METAP1D: variants seen among roughly 807,000 people sequenced by gnomAD.
METAP1D encodes methionine aminopeptidase 1D, mitochondrial.
Under a neutral mutation model 40.5 loss-of-function variants are expected in METAP1D, and 31 were observed. That is an observed-to-expected ratio of 0.77 (90% confidence interval 0.58 to 1.03). METAP1D has a LOEUF of 1.03. Ranked by LOEUF, METAP1D falls within the 50% of genes least tolerant of loss-of-function variation. The pLI is 0.00. For missense variants in METAP1D, 411 were observed against 420.7 expected (o/e 0.98, Z 0.20); for synonymous variants, 151 against 146.4 (o/e 1.03, Z -0.22).
chr2:172,017,247 C>T (rs1024822748), intron 1 of METAP1D, among the ~76,000 whole-genome samples: 19 of 149,394 alleles, frequency 1.3e-4, no homozygotes, highest in African/African-American at 4.7e-4. Context: ...CACACACACA[C>T]ACACACACAC....
At chr2:172,023,065 G>A (rs1689042289) in intron 1 of METAP1D, among the ~76,000 whole-genome samples, 1 of 152,168 alleles carries the variant, frequency 6.6e-6, no homozygotes, top group African/African-American at 2.4e-5. Flanking sequence ...GCACATGCCT[G>A]TAATTCCAGC....
At chr2:172,058,433 C>T (rs1303564689) in intron 1 of METAP1D, among the ~76,000 whole-genome samples, 1 of 152,222 alleles carries the variant, frequency 6.6e-6, no homozygotes, top group Non-Finnish European at 1.5e-5. Flanking sequence ...TTTCCTAGGA[C>T]ACTACCCTGT....
rs1052196247 is a variant in METAP1D at position 172,011,180 on chromosome 2, A to G, written c.40+11171A>G. On this transcript the variant is annotated intron_variant, in intron 1 of 9. Coordinates refer to ENST00000315796, the MANE Select transcript of METAP1D (RefSeq NM_199227.3). ...GAGTTGTGCAAGCATCACCACAATC[A>G]GTTTTACATTTTTATCACCCCAAAG... 5.9e-5 allele frequency among the ~76,000 whole-genome samples: 9 copies of G among 151,970 alleles called. No homozygotes were observed. In the East Asian group the frequency reaches 1.7e-3, roughly 29 times the overall value.
rs56267669 is a variant in METAP1D at position 172,044,900 on chromosome 2, AT to A, written c.41-16597del. Among the ~76,000 whole-genome samples, 328 of 134,248 alleles carry A rather than the reference AT, an allele frequency of 2.4e-3. 36 individuals are homozygous for A. Among genetic ancestry groups the A allele is most frequent in the African/African-American group, 7.3e-3 (291 of 39,842 alleles). 88.1% of individuals were successfully genotyped at this position (134,248 alleles called of 152,430 possible). A position where few individuals can be genotyped will look rare whatever the true frequency, so the allele number is the denominator to read the frequency against. ...CGAGACTTTATCTCAAAAAAAATAA[AT>A]AAATAAATAAATCAGGTGAAAAACA... On this transcript the variant is annotated intron_variant, in intron 1 of 9. Coordinates refer to ENST00000315796, the MANE Select transcript of METAP1D (RefSeq NM_199227.3).
chr2:172,068,284 T>G lies in METAP1D; in HGVS notation c.540+1978T>G, dbSNP rs542660958. On this transcript the variant is annotated intron_variant, in intron 5 of 9. Coordinates refer to ENST00000315796, the MANE Select transcript of METAP1D (RefSeq NM_199227.3). ...GGCAGGAGCCTCTAATCCCAGCTAC[T>G]TAGGAGGCTGAGGCAGGGAGAATTG... Among the ~76,000 whole-genome samples the G allele has an allele frequency of 2.6e-5, 4 of 152,052 alleles. No individual in the cohort carries two copies. In the South Asian group the frequency reaches 8.3e-4, roughly 32 times the overall value.
chr2:172,042,823 GTATATGTACACATATACGTGTGTGTGTA>G lies in METAP1D; in HGVS notation c.41-18664_41-18637del, dbSNP rs1351660497. 3.7e-4 allele frequency among the ~76,000 whole-genome samples: 24 copies of G among 64,554 alleles called. 10 individuals are homozygous for G. The highest frequency in any genetic ancestry group is 1.6e-3 in the East Asian group (2 of 1,234). 42.3% of individuals were successfully genotyped at this position (64,554 alleles called of 152,430 possible). ...TATATGTACACATATACGTGTGTGTGTATATGTACACATATACGTGTGTGTGTATATATGTACATATATGTGTATGTGT... is the reference window on the plus strand; with the variant it reads ...TATATGTACACATATACGTGTGTGTGTATATGTACATATATGTGTATGTGT... On this transcript the variant is annotated intron_variant, in intron 1 of 9. Coordinates refer to ENST00000315796, the MANE Select transcript of METAP1D (RefSeq NM_199227.3).
chr2:172,005,984 A>AT (rs1688570821), intron 1 of METAP1D, among the ~76,000 whole-genome samples: 1 of 152,178 alleles, frequency 6.6e-6, no homozygotes, highest in African/African-American at 2.4e-5. Context: ...ATTAAAAAAA[A>AT]ATATATTGAC....
chr2:172,038,056 G>A (rs982608316), intron 1 of METAP1D, among the ~76,000 whole-genome samples: 1 of 152,106 alleles, frequency 6.6e-6, no homozygotes, highest in African/African-American at 2.4e-5. Flanking sequence ...GGGTTTGAGT[G>A]GAAATGGCCG....
In METAP1D at chr2:172,065,655, A is replaced by G; in HGVS notation, c.400A>G (p.Ser134Gly). The G allele has an allele frequency of 1.2e-6, 2 of 1,614,004 alleles. No individual in the cohort carries two copies. Among genetic ancestry groups the G allele is most frequent in the Non-Finnish European group, 1.7e-6 (2 of 1,179,928 alleles). ...TGCTCTTGTTCATCGGGAAATCATC[A>G]GTCATAATGCCTATCCCTCACCTCT... is the stretch of plus-strand genomic sequence containing the variant. ...IDALVHREII[S>G]HNAYPSPLGY... Residue 134 changes from serine to glycine, a missense_variant, in exon 4 of 10, where the codon AGT becomes GGT. Coordinates refer to ENST00000315796, the MANE Select transcript of METAP1D (RefSeq NM_199227.3).
intron 1 of METAP1D, among the ~76,000 whole-genome samples, chr2:172,049,985 A>G (rs966567596): frequency 2.6e-5 from 4 of 152,208 alleles, no homozygotes; most frequent in Non-Finnish European, 4.4e-5. Context: ...TTAGAGATGT[A>G]CAGTGAAAAT....
chr2:172,073,523 C>A (rs1186042485), intron 6 of METAP1D, among the ~76,000 whole-genome samples: 1 of 152,124 alleles, frequency 6.6e-6, no homozygotes, highest in Non-Finnish European at 1.5e-5. Context: ...TCAGTCCCAA[C>A]AACTGCACTT....
chr2:172,074,211 C>T (rs1370673468), intron 6 of METAP1D, among the ~76,000 whole-genome samples: 1 of 151,730 alleles, frequency 6.6e-6, no homozygotes, highest in Non-Finnish European at 1.5e-5. Context: ...GAATATGTGA[C>T]AGTTCAATCA....
At chr2:172,047,963 A>G (rs1689798693) in intron 1 of METAP1D, among the ~76,000 whole-genome samples, 1 of 152,218 alleles carries the variant, frequency 6.6e-6, no homozygotes, top group Non-Finnish European at 1.5e-5. Flanking sequence ...ACCATTAACC[A>G]TCAGCATACT....
chr2:172,080,001 A>G, intron 8 of METAP1D, 127 bp from the exon 9 acceptor site: 1 of 752,616 alleles, frequency 1.3e-6, no homozygotes, highest in Non-Finnish European at 2.2e-6. Flanking sequence ...CAAGATGACA[A>G]CATGAGCCTG....
rs374545820 is a variant in METAP1D at position 172,065,798 on chromosome 2, T to G, written c.497+46T>G. The G allele has an allele frequency of 1.3e-5, 21 of 1,578,280 alleles. No homozygotes were observed. The African/African-American group carries it at 2.6e-4, about 19-fold the overall frequency. ...TATTGTTCCTTTGGAAACTAAAACA[T>G]GAAGCTAAGATCTGTAACATATGTT... is the stretch of plus-strand genomic sequence containing the variant. On this transcript the variant is annotated intron_variant, in intron 4 of 9. Transcript: ENST00000315796.
intron 6 of METAP1D, among the ~76,000 whole-genome samples, chr2:172,073,412 T>G (rs1371086714): frequency 6.7e-6 from 1 of 149,170 alleles, no homozygotes; most frequent in African/African-American, 2.5e-5. Flanking sequence ...AGAAGAAGAG[T>G]AGAATTGAAA....
rs367797636 is a variant in METAP1D, at chr2:172,077,842, G to C, written c.750G>C (p.Val250=). 1.1e-5 allele frequency: 17 copies of C among 1,611,782 alleles called. No homozygotes were observed. Among genetic ancestry groups the C allele is most frequent in the Non-Finnish European group, 1.4e-5 (16 of 1,178,696 alleles). Residue 250 remains valine, a synonymous_variant, in exon 7 of 10, where the codon GTG becomes GTC. Transcript: ENST00000315796. ...GTTTTCAAGTCTGTCCACATTTTGT[G>C]GGACATGGAATAGGATCTTACTTTC... is the stretch of plus-strand genomic sequence containing the variant. The part of the protein sequence containing the change: ...QNGFQVCPHF[V]GHGIGSYFHG...
intron 1 of METAP1D, among the ~76,000 whole-genome samples, chr2:172,015,860 T>G (rs889654777): frequency 6.6e-6 from 1 of 151,314 alleles, no homozygotes; most frequent in Non-Finnish European, 1.5e-5. Flanking sequence ...GAGGCTGAGG[T>G]AGAGGATTGC....
At chr2:172,012,148 T>C (rs1688742426) in intron 1 of METAP1D, among the ~76,000 whole-genome samples, 1 of 152,182 alleles carries the variant, frequency 6.6e-6, no homozygotes, top group Non-Finnish European at 1.5e-5. Context: ...TAAGATCAAA[T>C]AGAAATAGGT....
Sources: gnomAD v4.1 joint callset for allele counts (sites outside exome capture counted in the v4.1 genomes callset) on GRCh38, gnomAD v4.1.1 for gene constraint, MANE v1.5 for transcripts, NCBI Gene and HGNC (gene_info 2026-07-23, HGNC 2026-07-21) for gene names.